The following NFX1 variants were observed in gnomAD, a reference collection of about 807,000 sequenced individuals.
NFX1 encodes the protein nuclear transcription factor, X-box binding 1.
In NFX1, 69 loss-of-function variants were observed where a neutral mutation model predicts 137.2. The observed-to-expected ratio is 0.50, with a 90% CI of 0.41 to 0.61. The LOEUF is 0.61. Among genes scored for constraint, NFX1 ranks in the 20% least tolerant of loss-of-function variants. NFX1 has a pLI of 0.00. For synonymous variants in NFX1, 495 were observed against 474.1 expected (o/e 1.04, Z -0.57); for missense variants, 1,167 against 1,391.0 (o/e 0.84, Z 2.56).
chr9:33,304,064 C>T (rs1432991444), intron 4 of NFX1, among the ~76,000 whole-genome samples: 2 of 152,096 alleles, frequency 1.3e-5, no homozygotes, highest in Admixed American at 6.6e-5. Flanking sequence ...ATCAGGAGTT[C>T]GACACCAGCC....
chr9:33,334,719 C>T (rs1822935709), intron 11 of NFX1, among the ~76,000 whole-genome samples: 3 of 152,180 alleles, frequency 2.0e-5, no homozygotes, highest in Admixed American at 2.0e-4. Context: ...AGACGTATTT[C>T]CATGTCAGTA....
chr9:33,339,911 A>G (rs568223223), intron 12 of NFX1, among the ~76,000 whole-genome samples: 1 of 152,206 alleles, frequency 6.6e-6, no homozygotes, highest in Non-Finnish European at 1.5e-5. Flanking sequence ...GTGGGTTCCC[A>G]TGGTCTTGGA....
At chr9:33,305,206 A>G (rs1484081358) in intron 4 of NFX1, among the ~76,000 whole-genome samples, 1 of 152,260 alleles carries the variant, frequency 6.6e-6, no homozygotes, top group Non-Finnish European at 1.5e-5. Context: ...CTCTGCTAGA[A>G]GTACAAAGTA....
chr9:33,313,655 C>T lies in NFX1; in HGVS notation c.1450C>T (p.His484Tyr). ...TCTTTACATCTATTGTCTTTACAGGCACACAGTTCGCTGTGGTCAGGCTGT... is the reference window on the plus strand; with the variant it reads ...TCTTTACATCTATTGTCTTTACAGGTACACAGTTCGCTGTGGTCAGGCTGT... ...TKTCECGRTR[H>Y]TVRCGQAVSV... Residue 484 changes from histidine to tyrosine, a missense_variant and splice_region_variant, in exon 7 of 24, where the codon CAC becomes TAC. This residue lies in a region of NFX1 where 488 missense variants were observed against 691.5 expected (regional missense o/e 0.71). Coordinates refer to ENST00000379540, the MANE Select transcript of NFX1 (RefSeq NM_002504.6). 1.2e-6 allele frequency: 2 copies of T among 1,614,002 alleles called. No individual in the cohort carries two copies. The highest frequency in any genetic ancestry group is 1.7e-6 in the Non-Finnish European group (2 of 1,179,918).
At chr9:33,302,088 A>T (rs1466740469) in intron 3 of NFX1, among the ~76,000 whole-genome samples, 2 of 150,340 alleles carry the variant, frequency 1.3e-5, no homozygotes, top group Admixed American at 6.6e-5. Context: ...ACAAAAAAAC[A>T]TTTTTTTTTC....
At chr9:33,345,262 A>C (rs1823377113) in intron 14 of NFX1, among the ~76,000 whole-genome samples, 1 of 152,134 alleles carries the variant, frequency 6.6e-6, no homozygotes, top group African/African-American at 2.4e-5. Flanking sequence ...GGATCACCTG[A>C]GGTCAGGAGG....
At chr9:33,312,028 T>C (rs1821980576) in intron 6 of NFX1, among the ~76,000 whole-genome samples, 1 of 152,118 alleles carries the variant, frequency 6.6e-6, no homozygotes, top group African/African-American at 2.4e-5. Context: ...CTTGTTCCAT[T>C]ATAATACAAG....
intron 2 of NFX1, among the ~76,000 whole-genome samples, chr9:33,298,641 G>A (rs904833297): frequency 1.3e-5 from 2 of 152,292 alleles, no homozygotes; most frequent in East Asian, 3.9e-4. Flanking sequence ...AAAATTAGCT[G>A]GACGTGGTGG....
At chr9:33,340,713 G>C (rs1823190384) in intron 12 of NFX1, among the ~76,000 whole-genome samples, 1 of 152,142 alleles carries the variant, frequency 6.6e-6, no homozygotes, top group Non-Finnish European at 1.5e-5. Context: ...GTCACCTCTT[G>C]AATGCTTCGC....
rs760195808 is a variant in NFX1, at chr9:33,294,932, A to G, written c.538A>G (p.Arg180Gly). The change falls in exon 2 of 24, where the codon AGA (arginine) becomes GGA (glycine). Residue 180 changes from arginine (R) to glycine (G), a missense_variant. Around this residue, in one of 3 missense-constraint regions of NFX1, gnomAD observed 367 missense variants for 386.7 expected, o/e 0.95. Coordinates refer to ENST00000379540, the MANE Select transcript of NFX1 (RefSeq NM_002504.6). The stretch of plus-strand genomic sequence containing the variant: ...AACACAGTTTGTATACAGCTATGGT[A>G]GAGGACCAAAAGTCAAGGGGAAACT... ...KATQFVYSYG[R>G]GPKVKGKLKC... 1 of 1,614,170 alleles carries G rather than the reference A, an allele frequency of 6.2e-7. No homozygotes were observed. Among genetic ancestry groups the G allele is most frequent in the Non-Finnish European group, 8.5e-7 (1 of 1,180,036 alleles).
At chr9:33,326,646 G>T (rs1329382680) in intron 9 of NFX1, among the ~76,000 whole-genome samples, 4 of 152,134 alleles carry the variant, frequency 2.6e-5, no homozygotes, top group African/African-American at 9.7e-5. Flanking sequence ...TTGAGGCCAA[G>T]AGTTCAAGAC....
rs749271451 is a variant in NFX1 at position 33,315,852 on chromosome 9, A to G, written c.1588+2059A>G. ...GGTTGCAGTGAGCTGAGATCATGCT[A>G]CCGCACTCCAGCCTAGGTGACAGTA... On this transcript the variant is annotated intron_variant, in intron 7 of 23. Coordinates refer to ENST00000379540, the MANE Select transcript of NFX1 (RefSeq NM_002504.6). 2.3e-4 allele frequency among the ~76,000 whole-genome samples: 34 copies of G among 151,018 alleles called. 1 individual carries two copies. The highest frequency in any genetic ancestry group is 4.0e-4 in the Non-Finnish European group (27 of 67,894).
At chr9:33,306,588 G>A (rs576177456) in intron 4 of NFX1, among the ~76,000 whole-genome samples, 89 of 152,296 alleles carry the variant, frequency 5.8e-4, no homozygotes, top group Middle Eastern at 3.4e-3. Context: ...CCCAAGTGAG[G>A]ATGAATTCCT....
intron 13 of NFX1, 55 bp from the exon 14 acceptor site, chr9:33,344,014 C>T (rs1271752976): frequency 1.9e-6 from 3 of 1,610,154 alleles, no homozygotes; most frequent in East Asian, 4.5e-5. Context: ...TTAGTATGTA[C>T]TTGCACATCC....
chr9:33,299,225 G>C (rs549888202), intron 2 of NFX1, among the ~76,000 whole-genome samples: 1 of 152,300 alleles, frequency 6.6e-6, no homozygotes, highest in Non-Finnish European at 1.5e-5. Context: ...ATGTTATTCA[G>C]ATTTCACCAG....
At chr9:33,318,708 G>T (rs772614037) in intron 7 of NFX1, 23 bp from the exon 8 acceptor site, 25 of 1,607,008 alleles carry the variant, frequency 1.6e-5, no homozygotes, top group Non-Finnish European at 2.0e-5. Flanking sequence ...CTAACGTTTT[G>T]TTTTTGAAAT....
chr9:33,355,462 G>T (rs991369337), intron 19 of NFX1, among the ~76,000 whole-genome samples: 4 of 151,970 alleles, frequency 2.6e-5, no homozygotes, highest in Non-Finnish European at 5.9e-5. Context: ...TATTATTTTT[G>T]TCTGGCTTCT....
intron 19 of NFX1, among the ~76,000 whole-genome samples, chr9:33,359,464 T>G (rs1167465784): frequency 2.0e-5 from 3 of 152,148 alleles, no homozygotes; most frequent in Non-Finnish European, 2.9e-5. Flanking sequence ...CCGGGCATGG[T>G]GGCAGACGCC....
At chr9:33,327,862 T>C (rs1278927497) in intron 9 of NFX1, among the ~76,000 whole-genome samples, 1 of 152,222 alleles carries the variant, frequency 6.6e-6, no homozygotes, top group African/African-American at 2.4e-5. Flanking sequence ...TCAGTCAGAC[T>C]GTGGATCATG....
Sources: gnomAD v4.1 joint callset for allele counts (sites outside exome capture counted in the v4.1 genomes callset) on GRCh38, gnomAD v4.1.1 for gene constraint, gnomAD v4.1.1 regional missense constraint, MANE v1.5 for transcripts, NCBI Gene and HGNC (gene_info 2026-07-23, HGNC 2026-07-21) for gene names.